BACH2: variants seen among roughly 807,000 people sequenced by gnomAD.
BACH2 encodes the protein BACH transcriptional regulator 2, also known as transcription regulator protein BACH2.
Under a neutral mutation model 61.8 loss-of-function variants are expected in BACH2, and 5 were observed. That is an observed-to-expected ratio of 0.08 (90% CI 0.04 to 0.17). The LOEUF (loss-of-function observed/expected upper bound fraction) is 0.17. Ranked by LOEUF, BACH2 falls within the 10% of genes least tolerant of loss-of-function variation. The probability of loss-of-function intolerance (pLI) is 1.00; values close to 1 mark genes in which losing one functional copy is unlikely to be tolerated. For synonymous variants in BACH2, 446 were observed against 440.1 expected, an observed-to-expected ratio of 1.01 and a Z score of -0.17; for missense variants, 824 against 1,091.1, an observed-to-expected ratio of 0.76 and a Z score of 3.45.
At chr6:90,071,395 A>T (rs1781221459) in intron 5 of BACH2, among the ~76,000 whole-genome samples, 1 of 152,262 alleles carries the variant, frequency 6.6e-6, no homozygotes, top group African/African-American at 2.4e-5. Context: ...GAGGAGGGAC[A>T]GCAAATTTTG....
chr6:90,250,881 C>A (rs1223730368), intron 3 of BACH2, among the ~76,000 whole-genome samples: 3 of 152,028 alleles, frequency 2.0e-5, no homozygotes, highest in African/African-American at 7.2e-5. Flanking sequence ...TTAGGCAGAG[C>A]ATCATCTCAT....
chr6:90,010,882 T>C (rs1281070585), intron 5 of BACH2, among the ~76,000 whole-genome samples: 2 of 152,230 alleles, frequency 1.3e-5, no homozygotes, highest in Non-Finnish European at 2.9e-5. Flanking sequence ...TCTGTATATT[T>C]TCTTTGAAGA....
At chr6:89,979,184 T>C (rs1389209524) in intron 6 of BACH2, among the ~76,000 whole-genome samples, 1 of 152,214 alleles carries the variant, frequency 6.6e-6, no homozygotes, top group Non-Finnish European at 1.5e-5. Flanking sequence ...ATACCATGTT[T>C]GCTGGCATTC....
intron 3 of BACH2, among the ~76,000 whole-genome samples, chr6:90,245,582 T>A (rs557812621): frequency 3.3e-5 from 5 of 152,176 alleles, no homozygotes; most frequent in African/African-American, 1.2e-4. Context: ...TTTTTAAATT[T>A]AAAAACAAAA....
intron 1 of BACH2, among the ~76,000 whole-genome samples, chr6:90,295,170 G>A (rs1379342187): frequency 6.6e-6 from 1 of 152,112 alleles, no homozygotes; most frequent in African/African-American, 2.4e-5. Flanking sequence ...GGAGGCCACA[G>A]GTCACGGCGA....
chr6:90,137,913 C>G (rs1261047081), intron 4 of BACH2, among the ~76,000 whole-genome samples: 1 of 152,148 alleles, frequency 6.6e-6, no homozygotes, highest in Non-Finnish European at 1.5e-5. Flanking sequence ...TAGATTGACT[C>G]TGTGTGATCA....
At chr6:89,963,992 T>C (rs911021796) in intron 6 of BACH2, among the ~76,000 whole-genome samples, 3 of 152,172 alleles carry the variant, frequency 2.0e-5, no homozygotes, top group African/African-American at 7.2e-5. Context: ...ATATGAGGCA[T>C]TGAAAAGTAG....
chr6:90,162,399 G>A lies in BACH2; in HGVS notation c.-162+44170C>T, dbSNP rs185584069. 4.0e-3 allele frequency among the ~76,000 whole-genome samples: 606 copies of A among 152,302 alleles called. 10 individuals carry two copies. Among genetic ancestry groups the A allele is most frequent in the South Asian group, 0.033 (160 of 4,826 alleles). On this transcript the variant is annotated intron_variant, in intron 4 of 8. Coordinates refer to ENST00000257749, the MANE Select transcript of BACH2 (RefSeq NM_021813.4). ...TATGCCTGTAATCCTAGCGCTTTGG[G>A]AGGCCAAGGCAGGAGGACTGCTTGA...
intron 2 of BACH2, among the ~76,000 whole-genome samples, chr6:90,261,648 G>C (rs942920318): frequency 9.2e-5 from 14 of 152,060 alleles, no homozygotes; most frequent in South Asian, 2.1e-4. Context: ...CATACCCTCA[G>C]ATCATTCCTT....
chr6:90,072,631 CAG>C (rs1562421521), intron 5 of BACH2, among the ~76,000 whole-genome samples: 1 of 152,294 alleles, frequency 6.6e-6, no homozygotes, highest in East Asian at 1.9e-4. Flanking sequence ...TTTAGCTTCT[CAG>C]TCATCCAACC....
chr6:90,041,568 T>C (rs1045578603), intron 5 of BACH2, among the ~76,000 whole-genome samples: 4 of 152,148 alleles, frequency 2.6e-5, no homozygotes, highest in African/African-American at 7.2e-5. Flanking sequence ...ATATTTTATT[T>C]AGAATTTTAC....
At chr6:89,989,434 T>C (rs1340689125) in intron 6 of BACH2, among the ~76,000 whole-genome samples, 2 of 152,056 alleles carry the variant, frequency 1.3e-5, no homozygotes, top group African/African-American at 4.8e-5. Context: ...TTCTTCAATA[T>C]AGCTTTGAAA....
intron 4 of BACH2, among the ~76,000 whole-genome samples, chr6:90,141,514 T>A (rs1784460696): frequency 6.7e-6 from 1 of 149,132 alleles, no homozygotes; most frequent in Admixed American, 6.7e-5. Flanking sequence ...TTTAAACCAA[T>A]GAATCTATAT....
Position 90,167,774 on chromosome 6 carries a change from G to A in BACH2, c.-162+38795C>T, listed in dbSNP as rs1362478355. ...CACTTTATTCAATGATTGAGAAAGA[G>A]AAACATGCTTGGCCAGTTCACAAAT... On this transcript the variant is annotated intron_variant, in intron 4 of 8. Transcript: ENST00000257749. 3.9e-5 allele frequency among the ~76,000 whole-genome samples: 6 copies of A among 152,216 alleles called. No individual in the cohort carries two copies. The East Asian group carries it at 1.2e-3, about 29-fold the overall frequency.
chr6:90,289,541 C>T (rs746786988), intron 1 of BACH2, among the ~76,000 whole-genome samples: 7 of 152,174 alleles, frequency 4.6e-5, no homozygotes, highest in Non-Finnish European at 7.3e-5. Flanking sequence ...CTAAATAAGA[C>T]GTGTCCAATC....
intron 4 of BACH2, among the ~76,000 whole-genome samples, chr6:90,123,523 C>G (rs1199031575): frequency 2.0e-5 from 3 of 152,062 alleles, no homozygotes; most frequent in Admixed American, 1.3e-4. Context: ...GTAATCCCAG[C>G]ACTTTGGGAG....
At chr6:89,962,170 A>G (rs1041722872) in intron 6 of BACH2, among the ~76,000 whole-genome samples, 1 of 150,972 alleles carries the variant, frequency 6.6e-6, no homozygotes, top group Non-Finnish European at 1.5e-5. Flanking sequence ...AGCAAGTTGT[A>G]TCATAATCAT....
intron 6 of BACH2, among the ~76,000 whole-genome samples, chr6:89,987,297 C>A (rs758037267): frequency 3.3e-5 from 5 of 152,118 alleles, no homozygotes; most frequent in Admixed American, 2.0e-4. Context: ...CCCTGATGAT[C>A]CTGAACTACA....
intron 2 of BACH2, among the ~76,000 whole-genome samples, chr6:90,258,244 T>C (rs1013867471): frequency 8.5e-5 from 13 of 152,212 alleles, no homozygotes; most frequent in African/African-American, 3.1e-4. Flanking sequence ...TTTTTGTATG[T>C]GGTATACGAT....
Sources: allele counts gnomAD v4.1 joint callset (sites outside exome capture counted in the v4.1 genomes callset), GRCh38; gene constraint gnomAD v4.1.1; transcripts MANE v1.5; gene names NCBI Gene and HGNC (gene_info 2026-07-23, HGNC 2026-07-21).